FBXO4: variants seen among roughly 807,000 people sequenced by gnomAD.
FBXO4 encodes the protein F-box only protein 4.
FBXO4 carries 36 observed loss-of-function variants against 43.7 expected under a neutral mutation model. That is an observed-to-expected ratio of 0.82 (90% CI 0.63 to 1.09). The LOEUF is 1.09. FBXO4 is among the 50% of genes least tolerant of loss of function. The probability of loss-of-function intolerance (pLI) is 0.00; values close to 1 mark genes in which losing one functional copy is unlikely to be tolerated. For synonymous variants in FBXO4, 180 were observed against 165.6 expected, an observed-to-expected ratio of 1.09 and a Z score of -0.67; for missense variants, 435 against 474.1, an observed-to-expected ratio of 0.92 and a Z score of 0.77.
the FBXO4 span, among the ~76,000 whole-genome samples, chr5:41,972,285 C>T: frequency 0.015 from 2,262 of 152,128 alleles, 54 homozygotes; most frequent in African/African-American, 0.046. Context: ...AAATTAGTAG[C>T]GTTGCTATAC....
chr5:41,999,549 A>ATGTGTG, the FBXO4 span, among the ~76,000 whole-genome samples: 29 of 130,986 alleles, frequency 2.2e-4, 1 homozygote, highest in African/African-American at 9.1e-4. Flanking sequence ...ATATATGTAT[A>ATGTGTG]TATATATATA....
At chr5:42,004,794 G>A in the FBXO4 span, among the ~76,000 whole-genome samples, 1 of 152,068 alleles carries the variant, frequency 6.6e-6, no homozygotes, top group Non-Finnish European at 1.5e-5. Flanking sequence ...TAGAATGGGC[G>A]GTGGTGAGGT....
chr5:41,939,881 A>T (rs1476991466), intron 6 of FBXO4, among the ~76,000 whole-genome samples: 1 of 93,464 alleles, frequency 1.1e-5, no homozygotes, highest in Non-Finnish European at 1.9e-5. Context: ...ACAGGGTCTC[A>T]CTTTGTTGCT....
intron 5 of FBXO4, among the ~76,000 whole-genome samples, chr5:41,936,611 G>A (rs1035069638): frequency 5.3e-5 from 8 of 152,074 alleles, no homozygotes; most frequent in African/African-American, 1.9e-4. Flanking sequence ...AGATTTTTCA[G>A]CAGAGAAAAG....
chr5:42,019,847 A>G, the FBXO4 span, among the ~76,000 whole-genome samples: 11 of 152,084 alleles, frequency 7.2e-5, no homozygotes, highest in Admixed American at 3.3e-4. Flanking sequence ...AGTATATATT[A>G]CACTTATTTT....
chr5:42,011,289 A>G, the FBXO4 span, among the ~76,000 whole-genome samples: 2 of 152,180 alleles, frequency 1.3e-5, no homozygotes, highest in African/African-American at 2.4e-5. Flanking sequence ...GATTAATGCC[A>G]TATCATGGGA....
intron 2 of FBXO4, among the ~76,000 whole-genome samples, chr5:41,927,771 T>A (rs1183679682): frequency 6.6e-6 from 1 of 152,182 alleles, no homozygotes; most frequent in Admixed American, 6.5e-5. Flanking sequence ...ACTCATTTAA[T>A]CCTCATGCAA....
the FBXO4 span, among the ~76,000 whole-genome samples, chr5:41,984,514 C>T: frequency 1.3e-5 from 2 of 152,152 alleles, no homozygotes; most frequent in Non-Finnish European, 2.9e-5. Flanking sequence ...CACTTATACT[C>T]TTGGGCTTTG....
chr5:42,025,716 G>A, the FBXO4 span, among the ~76,000 whole-genome samples: 1 of 151,844 alleles, frequency 6.6e-6, no homozygotes, highest in Admixed American at 6.6e-5. Context: ...TTTGATTTTT[G>A]TGAATGGAGA....
the FBXO4 span, among the ~76,000 whole-genome samples, chr5:42,032,266 T>C: frequency 6.6e-6 from 1 of 152,076 alleles, no homozygotes; most frequent in South Asian, 2.1e-4. Flanking sequence ...GCCCTGGGGC[T>C]CTACAATAAG....
chr5:41,961,511 C>T, the FBXO4 span, among the ~76,000 whole-genome samples: 1 of 152,160 alleles, frequency 6.6e-6, no homozygotes, highest in African/African-American at 2.4e-5. Context: ...GGGACCCCTG[C>T]TCCCCTGTCA....
the FBXO4 span, among the ~76,000 whole-genome samples, chr5:42,005,675 C>T: frequency 1.3e-5 from 2 of 152,092 alleles, no homozygotes; most frequent in African/African-American, 4.8e-5. Flanking sequence ...AGGGTTTCCT[C>T]CATGCTTTAT....
chr5:41,965,693 A>G, the FBXO4 span, among the ~76,000 whole-genome samples: 1 of 152,346 alleles, frequency 6.6e-6, no homozygotes, highest in Non-Finnish European at 1.5e-5. Flanking sequence ...ATGTGGAGAA[A>G]TAGGAGCAAT....
chr5:41,926,054 C>G (rs1751485375), intron 1 of FBXO4, among the ~76,000 whole-genome samples: 1 of 152,052 alleles, frequency 6.6e-6, no homozygotes, highest in Non-Finnish European at 1.5e-5. Context: ...TACATCAAGG[C>G]CACGAGAATG....
chr5:41,997,686 T>C, the FBXO4 span, among the ~76,000 whole-genome samples: 2 of 152,158 alleles, frequency 1.3e-5, no homozygotes, highest in African/African-American at 4.8e-5. Flanking sequence ...CCACAATGAC[T>C]TTTAGGGTCT....
chr5:41,957,741 C>G, the FBXO4 span, among the ~76,000 whole-genome samples: 2 of 151,810 alleles, frequency 1.3e-5, no homozygotes, highest in Non-Finnish European at 2.9e-5. Context: ...GATTTGTTGA[C>G]TTTTTCCTCT....
rs760517167 is a variant in FBXO4 at position 41,929,685 on chromosome 5, A to T, written c.426-12A>T. The T allele has an allele frequency of 5.1e-6, 8 of 1,564,050 alleles. No individual in the cohort carries two copies. Among genetic ancestry groups the T allele is most frequent in the Middle Eastern group, 3.4e-4 (2 of 5,798 alleles). On this transcript the variant is annotated splice_polypyrimidine_tract_variant and intron_variant, in intron 2 of 6. Coordinates refer to ENST00000281623, the MANE Select transcript of FBXO4 (RefSeq NM_012176.3). ...TCTGTGTTAATGTTCTAATTGTGAC[A>T]ATTTTTTACAGCTATAGAATGTGCT...
chr5:41,957,827 A>G, the FBXO4 span, among the ~76,000 whole-genome samples: 1 of 152,128 alleles, frequency 6.6e-6, no homozygotes, highest in African/African-American at 2.4e-5. Context: ...TATATATAAT[A>G]GAACAATACA....
the FBXO4 span, among the ~76,000 whole-genome samples, chr5:41,995,733 A>G: frequency 1.3e-5 from 2 of 152,200 alleles, no homozygotes; most frequent in Non-Finnish European, 2.9e-5. Flanking sequence ...AGAGAGGTCT[A>G]TCCACATACC....
Sources: allele counts gnomAD v4.1 joint callset (sites outside exome capture counted in the v4.1 genomes callset), GRCh38; gene constraint gnomAD v4.1.1; transcripts MANE v1.5; gene names NCBI Gene and HGNC (gene_info 2026-07-23, HGNC 2026-07-21).